TGM6: variants seen among roughly 807,000 people sequenced by gnomAD.
TGM6 encodes protein-glutamine gamma-glutamyltransferase 6.
In TGM6, 74 loss-of-function variants were observed where a neutral mutation model predicts 77.5. The observed-to-expected ratio is 0.96, with a 90% CI of 0.79 to 1.16. TGM6 has a LOEUF of 1.16. Ranked by LOEUF, TGM6 falls within the 50% of genes most tolerant of loss-of-function variation. TGM6 has a pLI of 0.00. For synonymous variants in TGM6, 383 were observed against 378.9 expected (o/e 1.01, Z -0.12); for missense variants, 968 against 940.2 (o/e 1.03, Z -0.39).
At chr20:2,396,667 T>C (rs778298713) in intron 4 of TGM6, 43 bp downstream of exon 4, 4 of 1,593,370 alleles carry the variant, frequency 2.5e-6, no homozygotes, top group South Asian at 2.2e-5. Flanking sequence ...GGCTGGGGCA[T>C]GGGGAGGTCG....
chr20:2,414,773 A>G (rs114575910), intron 9 of TGM6, among the ~76,000 whole-genome samples: 190 of 152,226 alleles, frequency 1.2e-3, no homozygotes, highest in African/African-American at 4.2e-3. Context: ...AACCTTGAAA[A>G]CTGATGTTAA....
intron 9 of TGM6, among the ~76,000 whole-genome samples, chr20:2,405,993 C>G (rs1431397550): frequency 1.3e-5 from 2 of 152,198 alleles, no homozygotes; most frequent in Admixed American, 1.3e-4. Context: ...TAGGCACCCC[C>G]AATCTTGATC....
chr20:2,432,012 G>C (rs528288483), intron 12 of TGM6, among the ~76,000 whole-genome samples: 6 of 152,124 alleles, frequency 3.9e-5, no homozygotes, highest in Non-Finnish European at 7.4e-5. Context: ...TGGTAGAAGA[G>C]AAAATTAAAT....
rs200341133 is a variant in TGM6 at position 2,400,338 on chromosome 20, G to T, written c.883G>T (p.Val295Leu). 14 of 1,614,168 alleles carry T rather than the reference G, an allele frequency of 8.7e-6. No homozygotes were observed. Among genetic ancestry groups the T allele is most frequent in the Non-Finnish European group, 8.5e-7 (1 of 1,180,034 alleles). Reference sequence around the variant, plus strand: ...GTGCTTGGGGATAGCCACACGGGTCGTGTCCAACTTCAACTCAGCCCACGA... The same window carrying T: ...GTGCTTGGGGATAGCCACACGGGTCTTGTCCAACTTCAACTCAGCCCACGA... ...LRCLGIATRV[V>L]SNFNSAHDTD... Residue 295 changes from valine (V) to leucine (L), a missense_variant, in exon 7 of 13, where the codon GTG becomes TTG. Physicochemically the swap from Val to Leu is conservative, Grantham distance 32. Coordinates refer to ENST00000202625, the MANE Select transcript of TGM6 (RefSeq NM_198994.3).
At chr20:2,411,856 C>A (rs2084786138) in intron 9 of TGM6, among the ~76,000 whole-genome samples, 1 of 152,140 alleles carries the variant, frequency 6.6e-6, no homozygotes. Context: ...GGATTTGGCA[C>A]TGATGTCTTG....
At chr20:2,384,463 G>C (rs796431864) in intron 1 of TGM6, among the ~76,000 whole-genome samples, 1 of 152,164 alleles carries the variant, frequency 6.6e-6, no homozygotes, top group African/African-American at 2.4e-5. Context: ...TGGCAGCTAG[G>C]AGGTCTTGTG....
intron 1 of TGM6, among the ~76,000 whole-genome samples, chr20:2,384,934 AG>A (rs992213185): frequency 2.0e-5 from 3 of 147,402 alleles, no homozygotes. Context: ...CCAAGGGTGA[AG>A]GCCCCCAGAG....
intron 10 of TGM6, among the ~76,000 whole-genome samples, chr20:2,424,812 ACT>A (rs1482265491): frequency 6.6e-6 from 1 of 152,070 alleles, no homozygotes; most frequent in Admixed American, 6.6e-5. Context: ...GAGACATGTA[ACT>A]CTCATTAACT....
chr20:2,390,586 C>T (rs1014934450), intron 1 of TGM6, among the ~76,000 whole-genome samples: 2 of 152,258 alleles, frequency 1.3e-5, no homozygotes, highest in East Asian at 1.9e-4. Flanking sequence ...CACTAATGAA[C>T]AAAACAGACA....
Position 2,430,486 on chromosome 20 carries a change from A to AGAAGACCT in TGM6, c.1722_1729dup (p.Thr577LysfsTer3). The AGAAGACCT allele has an allele frequency of 6.2e-7, 1 of 1,614,232 alleles. No individual in the cohort carries two copies. The highest frequency in any genetic ancestry group is 8.5e-7 in the Non-Finnish European group (1 of 1,180,052). On this transcript the variant is annotated frameshift_variant, in exon 11 of 13. Transcript: ENST00000202625. LOFTEE classifies it high-confidence loss of function. ...TTACAATATCTTACTCTAAGTATAA[A>AGAAGACCT]GAAGACCTGACAGAGGACAAGAAGA...
intron 7 of TGM6, among the ~76,000 whole-genome samples, chr20:2,401,663 T>C (rs1456266207): frequency 6.6e-6 from 1 of 152,202 alleles, no homozygotes; most frequent in Non-Finnish European, 1.5e-5. Flanking sequence ...GTTAAGATCA[T>C]TGATTCTATT....
intron 10 of TGM6, among the ~76,000 whole-genome samples, chr20:2,421,344 A>C (rs1352791812): frequency 7.2e-5 from 11 of 152,210 alleles, no homozygotes; most frequent in Admixed American, 7.2e-4. Flanking sequence ...TTATGGTAAG[A>C]GTATGTTTTG....
intron 9 of TGM6, among the ~76,000 whole-genome samples, chr20:2,408,759 A>G (rs1283992713): frequency 6.6e-6 from 1 of 152,182 alleles, no homozygotes; most frequent in Non-Finnish European, 1.5e-5. Context: ...TTTATTGAGC[A>G]TTTACTGAGT....
intron 1 of TGM6, among the ~76,000 whole-genome samples, chr20:2,392,461 T>C (rs1399181532): frequency 6.6e-6 from 1 of 152,222 alleles, no homozygotes; most frequent in East Asian, 1.9e-4. Flanking sequence ...ATTAGTTATG[T>C]GGACTCACCT....
chr20:2,407,341 A>G (rs1398315396), intron 9 of TGM6, among the ~76,000 whole-genome samples: 2 of 152,208 alleles, frequency 1.3e-5, no homozygotes. Flanking sequence ...TTTATGAGCC[A>G]GGCATGGTGG....
At chr20:2,432,435 A>G (rs1397326742) in intron 12 of TGM6, 55 bp from the exon 13 acceptor site, 3 of 1,608,386 alleles carry the variant, frequency 1.9e-6, no homozygotes, top group Non-Finnish European at 2.5e-6. Context: ...GGCAGGCCAG[A>G]CTCAGAATGG....
intron 10 of TGM6, among the ~76,000 whole-genome samples, chr20:2,426,467 CTG>C (rs749424097): frequency 6.6e-6 from 1 of 152,088 alleles, no homozygotes. Flanking sequence ...TGAACAAAGA[CTG>C]TTTTATTTCT....
In TGM6 at chr20:2,430,882, T is replaced by C. The variant is rs774518376; in HGVS notation, c.1834-12T>C. On this transcript the variant is annotated splice_polypyrimidine_tract_variant and intron_variant, in intron 11 of 12. Coordinates refer to ENST00000202625, the MANE Select transcript of TGM6 (RefSeq NM_198994.3). ...GGTAGGCGCGATGGCTCATGGGTGT[T>C]GTCCCCTTCAGGTTCTGGGCCCAGC... 9 of 1,614,028 alleles carry C rather than the reference T, an allele frequency of 5.6e-6. No individual in the cohort carries two copies. The highest frequency in any genetic ancestry group is 3.3e-5 in the South Asian group (3 of 91,088).
intron 1 of TGM6, among the ~76,000 whole-genome samples, chr20:2,390,780 T>C (rs1273130555): frequency 1.3e-5 from 2 of 151,910 alleles, no homozygotes; most frequent in African/African-American, 4.8e-5. Flanking sequence ...AAGGTGACAT[T>C]TGAGCAAAGA....
Sources: gnomAD v4.1 joint callset for allele counts (sites outside exome capture counted in the v4.1 genomes callset) on GRCh38, gnomAD v4.1.1 for gene constraint, MANE v1.5 for transcripts, NCBI Gene and HGNC (gene_info 2026-07-23, HGNC 2026-07-21) for gene names.